Variants in GABRB3 observed in about 807,000 individuals in gnomAD.
The protein encoded by GABRB3 is gamma-aminobutyric acid type A receptor subunit beta3, also known as gamma-aminobutyric acid receptor subunit beta-3.
A neutral mutation model predicts 52.1 loss-of-function variants in GABRB3; 14 were observed. The ratio of observed to expected loss-of-function variants is 0.27; its 90% CI spans 0.18 to 0.42. The LOEUF (loss-of-function observed/expected upper bound fraction) is 0.42, where lower values mean the gene tolerates loss of function less well. Ranked by LOEUF, GABRB3 falls within the 10% of genes least tolerant of loss-of-function variation. The pLI is 1.00. For synonymous variants in GABRB3, 260 were observed against 232.3 expected (o/e 1.12, Z -1.08); for missense variants, 307 against 609.1 (o/e 0.50, Z 5.22).
rs57833685 is a variant in GABRB3, at chr15:26,649,658, C to CTGTGTGTGTGTGTGTGTGTGTG, written c.241-28146_241-28125dup. 2.6e-3 allele frequency among the ~76,000 whole-genome samples: 340 copies of CTGTGTGTGTGTGTGTGTGTGTG among 130,162 alleles called. 2 individuals carry two copies. The highest frequency in any genetic ancestry group is 9.5e-3 in the African/African-American group (313 of 33,000). The allele number at this position is 130,162 out of a possible 152,430, so 85.4% of individuals were successfully genotyped here. A position where few individuals can be genotyped will look rare whatever the true frequency, so the allele number is the denominator to read the frequency against. On this transcript the variant is annotated intron_variant, in intron 3 of 8. Coordinates refer to ENST00000311550, the MANE Select transcript of GABRB3 (RefSeq NM_000814.6). ...AGAAGAAAGCAGGACAGAGCCAAGG[C>CTGTGTGTGTGTGTGTGTGTGTG]TGTGTGTGTGTGTGTGTGTGTGTGT...
rs1341929593 is a variant in GABRB3 at position 26,544,493 on chromosome 15, AAT to A, written c.*3298_*3299del. 1 of 152,288 alleles carries A rather than the reference AAT, an allele frequency of 6.6e-6. No individual in the cohort carries two copies. The highest frequency in any genetic ancestry group is 2.4e-5 in the African/African-American group (1 of 41,452). 9.4% of individuals were successfully genotyped at this position (152,288 alleles called of 1,614,324 possible). A position where few individuals can be genotyped will look rare whatever the true frequency, so the allele number is the denominator to read the frequency against. ...AGATGTACAGGTAGCTTCCAAATCTAATGGAAATATTATCATGACATACTTTC... is the reference window on the plus strand; with the variant it reads ...AGATGTACAGGTAGCTTCCAAATCTAGGAAATATTATCATGACATACTTTC... On this transcript the variant is annotated 3_prime_UTR_variant, in exon 9 of 9. Coordinates refer to ENST00000311550, the MANE Select transcript of GABRB3 (RefSeq NM_000814.6).
At chr15:26,754,733 T>C (rs1247608547) in intron 3 of GABRB3, among the ~76,000 whole-genome samples, 2 of 152,086 alleles carry the variant, frequency 1.3e-5, no homozygotes, top group Non-Finnish European at 2.9e-5. Flanking sequence ...CACACCCTCA[T>C]TGCACTCCAA....
intron 4 of GABRB3, among the ~76,000 whole-genome samples, chr15:26,584,635 T>C (rs1311859056): frequency 6.6e-6 from 1 of 152,204 alleles, no homozygotes; most frequent in East Asian, 1.9e-4. Context: ...CACCATGCAA[T>C]GGTTAAGCCA....
intron 4 of GABRB3, among the ~76,000 whole-genome samples, chr15:26,603,618 C>A (rs1046873749): frequency 6.6e-6 from 1 of 152,164 alleles, no homozygotes; most frequent in South Asian, 2.1e-4. Context: ...GATGGTTCAA[C>A]ATATGCAAAT....
chr15:26,583,451 G>A (rs1890860177), intron 4 of GABRB3, 37 bp from the exon 5 acceptor site: 1 of 1,552,720 alleles, frequency 6.4e-7, no homozygotes, highest in Non-Finnish European at 8.9e-7. Flanking sequence ...ATTAAAGAAG[G>A]GCTGAGAAAT....
At chr15:26,620,825 G>A (rs1566778431) in intron 4 of GABRB3, among the ~76,000 whole-genome samples, 1 of 152,146 alleles carries the variant, frequency 6.6e-6, no homozygotes, top group Non-Finnish European at 1.5e-5. Context: ...GGAGAGAGAT[G>A]TTTCTCATCA....
At chr15:26,576,474 A>C (rs1421802379) in intron 6 of GABRB3, among the ~76,000 whole-genome samples, 1 of 152,230 alleles carries the variant, frequency 6.6e-6, no homozygotes, top group African/African-American at 2.4e-5. Context: ...AGAAATATAA[A>C]GAGGAGTGAA....
intron 3 of GABRB3, among the ~76,000 whole-genome samples, chr15:26,702,219 T>C (rs1888959536): frequency 6.6e-6 from 1 of 151,776 alleles, no homozygotes; most frequent in Admixed American, 6.5e-5. Flanking sequence ...AAGCACAATT[T>C]GTAAAAAACA....
intron 8 of GABRB3, among the ~76,000 whole-genome samples, chr15:26,553,768 A>G (rs1889571056): frequency 6.6e-6 from 1 of 151,986 alleles, no homozygotes. Context: ...CAGGAGCACA[A>G]AGTGAACACA....
chr15:26,711,950 A>G (rs1889311149), intron 3 of GABRB3, among the ~76,000 whole-genome samples: 1 of 152,224 alleles, frequency 6.6e-6, no homozygotes, highest in African/African-American at 2.4e-5. Flanking sequence ...GCATTTTAGT[A>G]TCGATCTGAG....
chr15:26,677,472 C>T (rs1271963559), intron 3 of GABRB3, among the ~76,000 whole-genome samples: 1 of 152,124 alleles, frequency 6.6e-6, no homozygotes, highest in East Asian at 1.9e-4. Context: ...CTCTGGCCTC[C>T]TCTTGGCCAT....
intron 3 of GABRB3, among the ~76,000 whole-genome samples, chr15:26,647,121 G>T (rs562591495): frequency 4.6e-5 from 7 of 152,306 alleles, no homozygotes; most frequent in African/African-American, 1.7e-4. Context: ...GGGATTACAG[G>T]CATGAGCCAC....
At chr15:26,654,890 C>T (rs1376725621) in intron 3 of GABRB3, among the ~76,000 whole-genome samples, 1 of 152,034 alleles carries the variant, frequency 6.6e-6, no homozygotes, top group Non-Finnish European at 1.5e-5. Flanking sequence ...TGGAGTACAA[C>T]AGCACGATCA....
intron 3 of GABRB3, among the ~76,000 whole-genome samples, chr15:26,729,115 T>C (rs773061940): frequency 3.9e-5 from 6 of 152,072 alleles, no homozygotes; most frequent in Non-Finnish European, 7.4e-5. Flanking sequence ...CCCCCACGCC[T>C]CTGCAAGTGG....
In GABRB3 at chr15:26,580,381, T is replaced by G. The variant is rs753078265; in HGVS notation, c.620A>C (p.Glu207Ala). 3 of 1,614,080 alleles carry G rather than the reference T, an allele frequency of 1.9e-6. No individual in the cohort carries two copies. The South Asian group carries it at 3.3e-5, about 18-fold the overall frequency. Reference protein sequence around the residue: ...DKAVTGVERIELPQFSIVEHR... With the variant: ...DKAVTGVERIALPQFSIVEHR... ...CTCCACGATGGAGAACTGCGGGAGC[T>G]CAATCCTTTCCACTCCGGTAACAGC... Residue 207 changes from glutamate (E) to alanine (A), a missense_variant, in exon 6 of 9, where the codon GAG becomes GCG. Glu to Ala is a moderately radical substitution (Grantham distance 107, BLOSUM62 -1). Transcript: ENST00000311550.
chr15:26,712,324 G>A (rs1408760103), intron 3 of GABRB3, among the ~76,000 whole-genome samples: 1 of 152,040 alleles, frequency 6.6e-6, no homozygotes, highest in Non-Finnish European at 1.5e-5. Context: ...ATATCAGTGG[G>A]TTGTTTAAGG....
chr15:26,754,318 G>A (rs893269699), intron 3 of GABRB3, among the ~76,000 whole-genome samples: 3 of 152,156 alleles, frequency 2.0e-5, no homozygotes, highest in African/African-American at 7.2e-5. Flanking sequence ...TGTAAAACAA[G>A]AAAAGAGAGA....
At chr15:26,714,894 AAC>A (rs1889418591) in intron 3 of GABRB3, among the ~76,000 whole-genome samples, 4 of 152,184 alleles carry the variant, frequency 2.6e-5, no homozygotes, top group Admixed American at 2.0e-4. Context: ...GTCTGTGGAG[AAC>A]ACTAAGTTCT....
intron 3 of GABRB3, among the ~76,000 whole-genome samples, chr15:26,718,036 A>T (rs1461040342): frequency 6.6e-6 from 1 of 152,188 alleles, no homozygotes; most frequent in Non-Finnish European, 1.5e-5. Flanking sequence ...AAACAACCAA[A>T]AAAAATGTCA....
Sources: gnomAD v4.1 joint callset for allele counts (sites outside exome capture counted in the v4.1 genomes callset) on GRCh38, gnomAD v4.1.1 for gene constraint, MANE v1.5 for transcripts, NCBI Gene and HGNC (gene_info 2026-07-23, HGNC 2026-07-21) for gene names.